Variants in BCKDHB observed in about 807,000 individuals in gnomAD.
BCKDHB encodes 2-oxoisovalerate dehydrogenase subunit beta, mitochondrial.
In BCKDHB, 41 loss-of-function variants were observed where a neutral mutation model predicts 48.5. That is an observed-to-expected ratio of 0.85 (90% CI 0.66 to 1.10). The LOEUF (loss-of-function observed/expected upper bound fraction) is 1.10. Ranked by LOEUF, BCKDHB falls within the 50% of genes least tolerant of loss-of-function variation. The pLI, the probability that BCKDHB is intolerant of heterozygous loss-of-function variation, is 0.00. For missense variants in BCKDHB, 496 were observed against 494.2 expected, an observed-to-expected ratio of 1.00 and a Z score of -0.03; for synonymous variants, 201 against 174.8, an observed-to-expected ratio of 1.15 and a Z score of -1.18.
At chr6:80,288,988 G>A (rs912949257) in intron 9 of BCKDHB, among the ~76,000 whole-genome samples, 2 of 152,038 alleles carry the variant, frequency 1.3e-5, no homozygotes, top group African/African-American at 4.8e-5. Context: ...GAGCATATCT[G>A]TGTGTATATA....
the BCKDHB span, among the ~76,000 whole-genome samples, chr6:80,383,670 T>C: frequency 1.3e-5 from 2 of 151,984 alleles, no homozygotes; most frequent in African/African-American, 2.4e-5. Flanking sequence ...TTTAGAAAAA[T>C]AATGTTTTTT....
chr6:80,272,142 A>T (rs905914721), intron 8 of BCKDHB, among the ~76,000 whole-genome samples: 1 of 152,108 alleles, frequency 6.6e-6, no homozygotes, highest in Non-Finnish European at 1.5e-5. Flanking sequence ...ATGGTAACTT[A>T]TTTTTGTCAT....
chr6:80,458,100 C>A, the BCKDHB span, among the ~76,000 whole-genome samples: 72 of 152,254 alleles, frequency 4.7e-4, no homozygotes, highest in African/African-American at 1.7e-3. Context: ...TTCAATGAAG[C>A]CTTAGAAAGG....
chr6:80,267,457 G>A (rs542943638), intron 8 of BCKDHB, among the ~76,000 whole-genome samples: 32 of 152,216 alleles, frequency 2.1e-4, no homozygotes, highest in African/African-American at 7.7e-4. Context: ...CCAGCTGGTT[G>A]CGGGGACCAG....
intron 9 of BCKDHB, among the ~76,000 whole-genome samples, chr6:80,317,420 G>T (rs1247454382): frequency 6.6e-6 from 1 of 152,142 alleles, no homozygotes; most frequent in Non-Finnish European, 1.5e-5. Flanking sequence ...ACTTCTTGCG[G>T]CCTCTCACAT....
intron 9 of BCKDHB, among the ~76,000 whole-genome samples, chr6:80,330,223 A>G (rs1013006475): frequency 1.4e-4 from 22 of 152,168 alleles, no homozygotes; most frequent in Non-Finnish European, 2.5e-4. Flanking sequence ...CCTTTTATCT[A>G]GGAAAGGGAC....
At chr6:80,448,854 A>G in the BCKDHB span, among the ~76,000 whole-genome samples, 1 of 152,168 alleles carries the variant, frequency 6.6e-6, no homozygotes, top group African/African-American at 2.4e-5. Flanking sequence ...TACCTGCATG[A>G]TGGGATCATT....
chr6:80,352,964 T>G, the BCKDHB span, among the ~76,000 whole-genome samples: 1 of 152,232 alleles, frequency 6.6e-6, no homozygotes, highest in Non-Finnish European at 1.5e-5. Context: ...CATGCATAGC[T>G]TGCATAGTCT....
chr6:80,244,308 A>G (rs1433201477), intron 8 of BCKDHB, among the ~76,000 whole-genome samples: 1 of 152,224 alleles, frequency 6.6e-6, no homozygotes, highest in African/African-American at 2.4e-5. Flanking sequence ...CAACCTGACT[A>G]GAAGTGTATG....
At chr6:80,375,379 G>T in the BCKDHB span, among the ~76,000 whole-genome samples, 1 of 152,044 alleles carries the variant, frequency 6.6e-6, no homozygotes, top group South Asian at 2.1e-4. Context: ...TGTCAGATCG[G>T]GTTAATTTGA....
the BCKDHB span, among the ~76,000 whole-genome samples, chr6:80,422,579 T>C: frequency 6.6e-6 from 1 of 152,102 alleles, no homozygotes; most frequent in Non-Finnish European, 1.5e-5. Context: ...ATCTGTGGGG[T>C]CTGCAGAGAC....
rs537403711 is a variant in BCKDHB at position 80,225,096 on chromosome 6, A to G, written c.951+21884A>G. Among the ~76,000 whole-genome samples the G allele has an allele frequency of 2.7e-4, 41 of 152,296 alleles. No homozygotes were observed. In the South Asian group the frequency reaches 6.6e-3, roughly 25 times the overall value. ...GACAGCCTCCTCATAGTCCTCTTAT[A>G]TCTAGGTTAAGCATTCCATCCGTTC... On this transcript the variant is annotated intron_variant, in intron 8 of 9. Coordinates refer to ENST00000320393, the MANE Select transcript of BCKDHB (RefSeq NM_183050.4).
At chr6:80,315,938 C>T (rs2127999310) in intron 9 of BCKDHB, among the ~76,000 whole-genome samples, 1 of 152,274 alleles carries the variant, frequency 6.6e-6, no homozygotes, top group Middle Eastern at 3.4e-3. Context: ...CCTGTTTACA[C>T]CGCAATTTAG....
chr6:80,443,156 A>T, the BCKDHB span, among the ~76,000 whole-genome samples: 3 of 152,118 alleles, frequency 2.0e-5, no homozygotes, highest in African/African-American at 7.2e-5. Flanking sequence ...CCTCCTCAAG[A>T]GCACCAAGAA....
intron 8 of BCKDHB, among the ~76,000 whole-genome samples, chr6:80,211,201 A>G (rs1774917605): frequency 6.6e-6 from 1 of 152,222 alleles, no homozygotes; most frequent in African/African-American, 2.4e-5. Flanking sequence ...TATAGAGAAG[A>G]AAAAACTGAC....
chr6:80,193,201 A>G (rs1459920281), intron 6 of BCKDHB, among the ~76,000 whole-genome samples: 4 of 151,968 alleles, frequency 2.6e-5, no homozygotes, highest in African/African-American at 9.7e-5. Flanking sequence ...CTTACCAGTT[A>G]ATTAATTATT....
chr6:80,354,355 G>A, the BCKDHB span, among the ~76,000 whole-genome samples: 2 of 152,142 alleles, frequency 1.3e-5, no homozygotes, highest in Non-Finnish European at 2.9e-5. Flanking sequence ...AGCCTCCCAA[G>A]TAAGTGGGAT....
the BCKDHB span, among the ~76,000 whole-genome samples, chr6:80,442,095 A>G: frequency 1.6e-4 from 24 of 152,196 alleles, no homozygotes; most frequent in African/African-American, 5.5e-4. Flanking sequence ...GCGAAACTGT[A>G]TAGTTAACTT....
At position 80,180,834 on chromosome 6, in the gene BCKDHB, G is replaced by T. The variant is rs186345197; in HGVS notation, c.742+9444G>T. Among the ~76,000 whole-genome samples the T allele has an allele frequency of 5.0e-4, 76 of 152,298 alleles. 2 individuals carry two copies. In the East Asian group the frequency reaches 0.012, roughly 24 times the overall value. Reference sequence around the variant, plus strand: ...TATTTTACATTAAGCAGATTAATTTGTGCGGGTTAGTATATTTAATGCTAG... The same window carrying T: ...TATTTTACATTAAGCAGATTAATTTTTGCGGGTTAGTATATTTAATGCTAG... On this transcript the variant is annotated intron_variant, in intron 6 of 9. Transcript: ENST00000320393.
Sources: gnomAD v4.1 joint callset for allele counts (sites outside exome capture counted in the v4.1 genomes callset) on GRCh38, gnomAD v4.1.1 for gene constraint, MANE v1.5 for transcripts, NCBI Gene and HGNC (gene_info 2026-07-23, HGNC 2026-07-21) for gene names.